Variants in GNA14 observed in about 807,000 individuals in gnomAD.
GNA14 encodes guanine nucleotide-binding protein subunit alpha-14.
In GNA14, 50 loss-of-function variants were observed where a neutral mutation model predicts 42.0. The ratio of observed to expected loss-of-function variants is 1.19; its 90% confidence interval spans 0.95 to 1.51. The LOEUF is 1.51. Ranked by LOEUF, GNA14 falls within the 40% of genes most tolerant of loss-of-function variation. The probability of loss-of-function intolerance (pLI) is 0.00; values close to 1 mark genes in which losing one functional copy is unlikely to be tolerated. For synonymous variants in GNA14, 173 were observed against 163.1 expected, an observed-to-expected ratio of 1.06 and a Z score of -0.46; for missense variants, 473 against 446.2, an observed-to-expected ratio of 1.06 and a Z score of -0.54.
chr9:77,580,095 T>C (rs1461805721), intron 1 of GNA14: 1 of 156,682 alleles, frequency 6.4e-6, no homozygotes, highest in Non-Finnish European at 1.4e-5. Context: ...TATGTCCTGG[T>C]TTGTCTAGAA....
intron 1 of GNA14, among the ~76,000 whole-genome samples, chr9:77,608,456 C>T (rs1823672961): frequency 6.6e-6 from 1 of 152,162 alleles, no homozygotes; most frequent in South Asian, 2.1e-4. Context: ...GCCCAGTCTC[C>T]TGGCTCTCTG....
At position 77,452,127 on chromosome 9, in the gene GNA14, C is replaced by T. The variant is rs192534404; in HGVS notation, c.310-17605G>A. Among the ~76,000 whole-genome samples the T allele has an allele frequency of 3.5e-4, 54 of 152,248 alleles. No homozygotes were observed. The East Asian group carries it at 4.3e-3, about 12-fold the overall frequency. ...GGCTGGACTGCTTGATCCAGAACCCCGTAGAAATACACTGGTCCTGTCAGC... is the reference window on the plus strand; with the variant it reads ...GGCTGGACTGCTTGATCCAGAACCCTGTAGAAATACACTGGTCCTGTCAGC... On this transcript the variant is annotated intron_variant, in intron 2 of 6. Coordinates refer to ENST00000341700, the MANE Select transcript of GNA14 (RefSeq NM_004297.4).
intron 1 of GNA14, among the ~76,000 whole-genome samples, chr9:77,568,930 C>A (rs1200932173): frequency 1.3e-5 from 2 of 152,172 alleles, no homozygotes. Context: ...AAGAGACTGT[C>A]ATGCCACGTC....
At chr9:77,522,011 A>G (rs1837365269) in intron 2 of GNA14, among the ~76,000 whole-genome samples, 1 of 151,978 alleles carries the variant, frequency 6.6e-6, no homozygotes. Flanking sequence ...TTTTATATAT[A>G]TTTTTAATAG....
In GNA14 at chr9:77,425,563, T is replaced by A; in HGVS notation, c.876A>T (p.Thr292=). ...ACTGTCCACAAGATAGACACTTACCTGTGTATTCTGGGAAATAGCTAATTA... is the reference window on the plus strand; with the variant it reads ...ACTGTCCACAAGATAGACACTTACCAGTGTATTCTGGGAAATAGCTAATTA... ...SHLISYFPEY[T]GPKQDVRAAR... is the part of the protein sequence containing the mutation. Residue 292 remains threonine (T), a splice_region_variant and synonymous_variant, in exon 6 of 7, where the codon ACA becomes ACT. Coordinates refer to ENST00000341700, the MANE Select transcript of GNA14 (RefSeq NM_004297.4). The A allele has an allele frequency of 6.3e-7, 1 of 1,598,748 alleles. No individual in the cohort carries two copies. The highest frequency in any genetic ancestry group is 8.5e-7 in the Non-Finnish European group (1 of 1,170,204).
chr9:77,644,437 C>CCA lies in GNA14; in HGVS notation c.124+3232_124+3233insTG, dbSNP rs778013639. On this transcript the variant is annotated intron_variant, in intron 1 of 6. Transcript: ENST00000341700. ...TACTGAACTCCAACCTAAAGAGTGT[C>CCA]AAAAAAAAAAAAAAAAAAAAAAAAA... Among the ~76,000 whole-genome samples, 16 of 34,012 alleles carry CCA rather than the reference C, an allele frequency of 4.7e-4. 1 individual carries two copies. Among genetic ancestry groups the CCA allele is most frequent in the African/African-American group, 1.9e-3 (16 of 8,578 alleles). 22.3% of individuals were successfully genotyped at this position (34,012 alleles called of 152,430 possible).
intron 5 of GNA14, among the ~76,000 whole-genome samples, chr9:77,427,641 C>G (rs923413796): frequency 9.2e-5 from 14 of 152,234 alleles, no homozygotes; most frequent in African/African-American, 2.4e-4. Context: ...GATACTGTCC[C>G]CAACCTGACA....
intron 1 of GNA14, among the ~76,000 whole-genome samples, chr9:77,548,303 A>G (rs1253132463): frequency 6.6e-6 from 1 of 151,978 alleles, no homozygotes; most frequent in Non-Finnish European, 1.5e-5. Flanking sequence ...TCTGTGTCCC[A>G]TTTTCAGTCT....
intron 2 of GNA14, among the ~76,000 whole-genome samples, chr9:77,497,075 C>T (rs1370193573): frequency 6.6e-6 from 1 of 152,146 alleles, no homozygotes; most frequent in Non-Finnish European, 1.5e-5. Flanking sequence ...TCTGTATCCT[C>T]TACTTCTCAC....
intron 2 of GNA14, among the ~76,000 whole-genome samples, chr9:77,443,929 C>T (rs886881051): frequency 2.0e-5 from 3 of 152,316 alleles, no homozygotes; most frequent in Middle Eastern, 3.4e-3. Context: ...CTAGAGTAAG[C>T]TATGATTGTG....
chr9:77,630,253 G>A (rs1300582518), intron 1 of GNA14, among the ~76,000 whole-genome samples: 1 of 152,036 alleles, frequency 6.6e-6, no homozygotes, highest in Non-Finnish European at 1.5e-5. Context: ...GAGTAGCTGG[G>A]ACTACAAATG....
intron 2 of GNA14, among the ~76,000 whole-genome samples, chr9:77,438,568 G>A (rs956506460): frequency 1.2e-4 from 18 of 151,628 alleles, no homozygotes; most frequent in African/African-American, 2.7e-4. Context: ...ACGCCTAGCC[G>A]ATTTTTTTTT....
At chr9:77,549,219 C>A (rs1256629863) in intron 1 of GNA14, among the ~76,000 whole-genome samples, 1 of 152,206 alleles carries the variant, frequency 6.6e-6, no homozygotes, top group African/African-American at 2.4e-5. Context: ...CAGGCGTGAG[C>A]CACCGTGCCC....
At chr9:77,518,222 T>C (rs1325414148) in intron 2 of GNA14, 1 of 152,094 alleles carries the variant, frequency 6.6e-6, no homozygotes, top group African/African-American at 2.4e-5. Flanking sequence ...AGGATAAAAA[T>C]GACAGGGCAG....
chr9:77,523,350 A>T (rs1006458891), intron 2 of GNA14, among the ~76,000 whole-genome samples: 1 of 152,196 alleles, frequency 6.6e-6, no homozygotes, highest in African/African-American at 2.4e-5. Flanking sequence ...GAGCAGGCAC[A>T]TCACATGGCC....
At chr9:77,528,987 A>T in intron 2 of GNA14, 82 bp downstream of exon 2, 1 of 1,195,500 alleles carries the variant, frequency 8.4e-7, no homozygotes, top group Non-Finnish European at 1.2e-6. Flanking sequence ...CATCTGACCA[A>T]AGCACTGAGG....
chr9:77,457,716 C>T (rs889126539), intron 2 of GNA14, among the ~76,000 whole-genome samples: 40 of 152,140 alleles, frequency 2.6e-4, no homozygotes, highest in African/African-American at 3.4e-4. Flanking sequence ...ACCCTCACGC[C>T]GCCCAGCCTG....
intron 1 of GNA14, among the ~76,000 whole-genome samples, chr9:77,538,062 GCTT>G (rs773167309): frequency 7.3e-5 from 8 of 109,366 alleles, no homozygotes; most frequent in African/African-American, 1.3e-4. Flanking sequence ...CTGTACAGAA[GCTT>G]CTTTTTTTTT....
chr9:77,445,417 G>A (rs1835799013), intron 2 of GNA14, among the ~76,000 whole-genome samples: 1 of 146,074 alleles, frequency 6.8e-6, no homozygotes, highest in African/African-American at 2.5e-5. Context: ...CTGCTTCTCA[G>A]AGAAGGGTTT....
Sources: gnomAD v4.1 joint callset for allele counts (sites outside exome capture counted in the v4.1 genomes callset) on GRCh38, gnomAD v4.1.1 for gene constraint, MANE v1.5 for transcripts, NCBI Gene and HGNC (gene_info 2026-07-23, HGNC 2026-07-21) for gene names.